ARHGAP15: variants seen among roughly 807,000 people sequenced by gnomAD.
ARHGAP15 encodes the protein Rho GTPase activating protein 15.
In ARHGAP15, 51 loss-of-function variants were observed where a neutral mutation model predicts 63.7. That is an observed-to-expected ratio of 0.80 (90% confidence interval 0.64 to 1.01). The LOEUF (loss-of-function observed/expected upper bound fraction) is 1.01, where lower values mean the gene tolerates loss of function less well. Ranked by LOEUF, ARHGAP15 falls within the 50% of genes least tolerant of loss-of-function variation. The pLI is 0.00. For missense variants in ARHGAP15, 560 were observed against 564.6 expected (o/e 0.99, Z 0.08); for synonymous variants, 191 against 193.8 (o/e 0.99, Z 0.12).
intron 8 of ARHGAP15, among the ~76,000 whole-genome samples, chr2:143,440,513 G>A (rs948082183): frequency 6.6e-6 from 1 of 152,136 alleles, no homozygotes; most frequent in Non-Finnish European, 1.5e-5. Context: ...GATAAAGCCA[G>A]AATTACTTTT....
At chr2:143,732,232 C>G (rs1466425494) in intron 13 of ARHGAP15, among the ~76,000 whole-genome samples, 1 of 152,080 alleles carries the variant, frequency 6.6e-6, no homozygotes, top group Non-Finnish European at 1.5e-5. Context: ...CACTGGACAC[C>G]TACATGGAGG....
intron 5 of ARHGAP15, among the ~76,000 whole-genome samples, chr2:143,229,226 A>G (rs1483884466): frequency 6.6e-6 from 1 of 152,172 alleles, no homozygotes; most frequent in African/African-American, 2.4e-5. Context: ...AATATAGGGT[A>G]TTACCAATGA....
intron 6 of ARHGAP15, among the ~76,000 whole-genome samples, chr2:143,352,775 G>A (rs1443941097): frequency 2.6e-5 from 4 of 152,170 alleles, no homozygotes; most frequent in African/African-American, 9.7e-5. Flanking sequence ...TATTTTGCAT[G>A]AAAGGCATAG....
chr2:143,413,254 C>A (rs1332777957), intron 6 of ARHGAP15, among the ~76,000 whole-genome samples: 1 of 152,122 alleles, frequency 6.6e-6, no homozygotes, highest in Non-Finnish European at 1.5e-5. Context: ...AGGAGCAGAT[C>A]ACCTTAATCC....
At chr2:143,264,312 A>G (rs115937378) in intron 6 of ARHGAP15, among the ~76,000 whole-genome samples, 1 of 152,196 alleles carries the variant, frequency 6.6e-6, no homozygotes, top group African/African-American at 2.4e-5. Flanking sequence ...GCCAGAAGCT[A>G]CTTTTCAAAT....
rs545583811 is a variant in ARHGAP15, at chr2:143,320,856, G to A, written c.474+70256G>A. ...TTTTTAAGATTCATATTGCTGCAGA[G>A]CTTTGCGTGCTCTGCAGCAATGTGA... On this transcript the variant is annotated intron_variant, in intron 6 of 13. Transcript: ENST00000295095. Among the ~76,000 whole-genome samples, 6 of 152,196 alleles carry A rather than the reference G, an allele frequency of 3.9e-5. No homozygotes were observed. In the East Asian group the frequency reaches 1.2e-3, roughly 29 times the overall value.
intron 13 of ARHGAP15, among the ~76,000 whole-genome samples, chr2:143,712,982 G>T (rs190482033): frequency 6.6e-6 from 1 of 152,146 alleles, no homozygotes; most frequent in Non-Finnish European, 1.5e-5. Context: ...CCCTAGCACC[G>T]TGTCCTACAT....
In ARHGAP15 at chr2:143,675,999, T is replaced by C. The variant is rs535457580; in HGVS notation, c.1139-27420T>C. ...TTAGTGTAACCACCATCATCAAGTA[T>C]GTTAGCTAGGTCTTCTGGATAACTT... On this transcript the variant is annotated intron_variant, in intron 12 of 13. Transcript: ENST00000295095. Among the ~76,000 whole-genome samples, 23 of 152,370 alleles carry C rather than the reference T, an allele frequency of 1.5e-4. No individual in the cohort carries two copies. The East Asian group carries it at 1.5e-3, about 10-fold the overall frequency.
At chr2:143,561,431 G>A (rs1481051366) in intron 11 of ARHGAP15, among the ~76,000 whole-genome samples, 1 of 152,114 alleles carries the variant, frequency 6.6e-6, no homozygotes, top group Non-Finnish European at 1.5e-5. Flanking sequence ...TTAGTACACA[G>A]TTACAAATAT....
intron 1 of ARHGAP15, among the ~76,000 whole-genome samples, chr2:143,144,330 T>A (rs924883688): frequency 6.6e-6 from 1 of 152,010 alleles, no homozygotes; most frequent in Non-Finnish European, 1.5e-5. Context: ...GAAATCTCCA[T>A]ACTGTCTTTT....
intron 5 of ARHGAP15, among the ~76,000 whole-genome samples, chr2:143,245,309 T>C (rs1161227908): frequency 6.6e-6 from 1 of 152,090 alleles, no homozygotes; most frequent in African/African-American, 2.4e-5. Flanking sequence ...AAAGGTGAAA[T>C]GCTTCCATGG....
intron 9 of ARHGAP15, among the ~76,000 whole-genome samples, chr2:143,502,368 C>T (rs988248714): frequency 6.6e-6 from 1 of 151,852 alleles, no homozygotes; most frequent in Non-Finnish European, 1.5e-5. Flanking sequence ...AAGATCGCAC[C>T]ATTGCACTCC....
intron 11 of ARHGAP15, among the ~76,000 whole-genome samples, chr2:143,611,204 C>G (rs1439966241): frequency 4.6e-5 from 7 of 152,140 alleles, no homozygotes; most frequent in Non-Finnish European, 8.8e-5. Context: ...TTGAAGCAGG[C>G]TGCTTATGAG....
intron 13 of ARHGAP15, among the ~76,000 whole-genome samples, chr2:143,722,338 G>A (rs1685097672): frequency 6.6e-6 from 1 of 152,004 alleles, no homozygotes; most frequent in Non-Finnish European, 1.5e-5. Context: ...CATCAGTATA[G>A]CTGTAAAAAA....
At chr2:143,422,608 A>G (rs1003691458) in intron 6 of ARHGAP15, among the ~76,000 whole-genome samples, 3 of 152,148 alleles carry the variant, frequency 2.0e-5, no homozygotes, top group Non-Finnish European at 4.4e-5. Context: ...TGCTGAATAC[A>G]CTGACATGAC....
intron 12 of ARHGAP15, among the ~76,000 whole-genome samples, chr2:143,656,507 CTG>C (rs926949553): frequency 3.3e-5 from 5 of 152,174 alleles, no homozygotes; most frequent in Non-Finnish European, 5.9e-5. Flanking sequence ...GAAAAGCCTT[CTG>C]TGAGAATAGC....
intron 13 of ARHGAP15, among the ~76,000 whole-genome samples, chr2:143,714,052 A>G (rs1230418656): frequency 2.6e-5 from 4 of 151,668 alleles, no homozygotes; most frequent in Non-Finnish European, 4.4e-5. Context: ...CTGTGTGGGG[A>G]CTCTGACCCC....
intron 6 of ARHGAP15, among the ~76,000 whole-genome samples, chr2:143,352,305 T>C (rs1685607812): frequency 6.6e-6 from 1 of 152,202 alleles, no homozygotes; most frequent in African/African-American, 2.4e-5. Flanking sequence ...GTTAAGAAGC[T>C]ACTACCAGAA....
At chr2:143,722,080 T>C (rs1262010254) in intron 13 of ARHGAP15, among the ~76,000 whole-genome samples, 1 of 152,218 alleles carries the variant, frequency 6.6e-6, no homozygotes, top group Non-Finnish European at 1.5e-5. Flanking sequence ...TTAATTTGTA[T>C]TCTTTAGTTA....
Sources: gnomAD v4.1 joint callset for allele counts (sites outside exome capture counted in the v4.1 genomes callset) on GRCh38, gnomAD v4.1.1 for gene constraint, MANE v1.5 for transcripts, NCBI Gene and HGNC (gene_info 2026-07-23, HGNC 2026-07-21) for gene names.